ZNF208: variants seen among roughly 807,000 people sequenced by gnomAD.
ZNF208 encodes the protein zinc finger protein 208, also known as zinc finger protein 95.
ZNF208 carries 10 observed loss-of-function variants against 12.1 expected under a neutral mutation model. The observed-to-expected ratio is 0.83, with a 90% confidence interval of 0.51 to 1.40. ZNF208 has a LOEUF of 1.40. Ranked by LOEUF, ZNF208 falls within the 40% of genes most tolerant of loss-of-function variation. ZNF208 has a pLI of 0.00. For synonymous variants in ZNF208, 497 were observed against 488.4 expected (o/e 1.02, Z -0.23); for missense variants, 1,652 against 1,485.0 (o/e 1.11, Z -1.85).
chr19:21,948,928 T>C (rs1324866460), intron 4 of ZNF208, among the ~76,000 whole-genome samples: 1 of 152,196 alleles, frequency 6.6e-6, no homozygotes, highest in Non-Finnish European at 1.5e-5. Context: ...ATTGGAGTCC[T>C]TGTGATCCTA....
chr19:21,953,324 G>A lies in ZNF208; in HGVS notation c.306-20087C>T, dbSNP rs532948776. On this transcript the variant is annotated intron_variant, in intron 4 of 4. Coordinates refer to the ZNF208 transcript ENST00000599916. ...CAGGAAATACAGAGAATCCCACAAAGATATTCCTCGAGAAGAGCAACTCCA... is the reference window on the plus strand; with the variant it reads ...CAGGAAATACAGAGAATCCCACAAAAATATTCCTCGAGAAGAGCAACTCCA... Among the ~76,000 whole-genome samples the A allele has an allele frequency of 6.6e-5, 10 of 152,262 alleles. No homozygotes were observed. In the South Asian group the frequency reaches 2.1e-3, roughly 32 times the overall value.
chr19:21,951,252 T>C (rs1969883167), intron 4 of ZNF208, among the ~76,000 whole-genome samples: 1 of 152,196 alleles, frequency 6.6e-6, no homozygotes, highest in Admixed American at 6.5e-5. Context: ...AGACTTTATC[T>C]GCTCCTAGCA....
intron 4 of ZNF208, among the ~76,000 whole-genome samples, chr19:21,958,786 T>C (rs1970018084): frequency 6.6e-6 from 1 of 152,148 alleles, no homozygotes. Context: ...AAAATATCAA[T>C]GCCTATTCTC....
At chr19:21,949,165 G>A (rs1969856936) in intron 4 of ZNF208, among the ~76,000 whole-genome samples, 1 of 152,172 alleles carries the variant, frequency 6.6e-6, no homozygotes, top group African/African-American at 2.4e-5. Flanking sequence ...AATATCAGAA[G>A]GAAGTTGCTA....
rs774075657 is a variant in ZNF208 at position 21,973,743 on chromosome 19, C to T, written c.1291G>A (p.Gly431Ser). The T allele has an allele frequency of 1.2e-5, 20 of 1,613,398 alleles. No individual in the cohort carries two copies. The highest frequency in any genetic ancestry group is 3.3e-5 in the South Asian group (3 of 91,046). ...GEKPYKCEEC[G>S]KAFNWSSNLM... ...TTTGAGGACCAGTTGAAAGCTTTGC[C>T]ACATTCTTCACATTTGTAGGGTTTC... Residue 431 changes from glycine (G) to serine (S), a missense_variant, in exon 4 of 4, where the codon GGC (glycine) becomes AGC (serine). Transcript: ENST00000397126.
At position 21,972,377 on chromosome 19, in the gene ZNF208, T is replaced by C. The variant is rs1481459855; in HGVS notation, c.2657A>G (p.Glu886Gly). Residue 886 changes from glutamate (E) to glycine (G), a missense_variant, in exon 4 of 4, where the codon GAG becomes GGG. Around this residue, in one of 3 missense-constraint regions of ZNF208, gnomAD observed 1,239 missense variants for 1,086.2 expected, o/e 1.14. Transcript: ENST00000397126. ...LSYHKKIHTG[E>G]KPYKCEECGK... Reference sequence around the variant, plus strand: ...ACATTCTTCACATTTGTAGGGTTTCTCTCCAGTATGAATTTTCTTATGATA... The same window carrying C: ...ACATTCTTCACATTTGTAGGGTTTCCCTCCAGTATGAATTTTCTTATGATA... 1.9e-6 allele frequency: 3 copies of C among 1,612,580 alleles called. No individual in the cohort carries two copies. The Admixed American group carries it at 5.0e-5, about 27-fold the overall frequency.
rs1430442522 is a variant in ZNF208, at chr19:21,971,957, T to C, written c.3077A>G (p.Glu1026Gly). The C allele has an allele frequency of 1.9e-6, 3 of 1,576,546 alleles. No homozygotes were observed. Among genetic ancestry groups the C allele is most frequent in the Non-Finnish European group, 2.6e-6 (3 of 1,156,598 alleles). The change falls in exon 4 of 4, where the codon GAG (glutamate) becomes GGG (glycine). Residue 1026 changes from glutamate (E) to glycine (G), a missense_variant. Transcript: ENST00000397126. ...ACATTCTTCACATTTGTAGGGTGTC[T>C]CTCCAGTGTGAATTTTCTTATGTTC... ...LMEHKKIHTG[E>G]TPYKCEECDK... is the part of the protein sequence containing the mutation.
chr19:21,969,507 TTAAA>T lies in ZNF208; in HGVS notation c.*1680_*1683del, dbSNP rs1970238738. Among the ~76,000 whole-genome samples, 1 of 152,236 alleles carries T rather than the reference TTAAA, an allele frequency of 6.6e-6. No homozygotes were observed. The highest frequency in any genetic ancestry group is 1.5e-5 in the Non-Finnish European group (1 of 68,042). On this transcript the variant is annotated 3_prime_UTR_variant, in exon 4 of 4. Transcript: ENST00000397126. The stretch of plus-strand genomic sequence containing the variant: ...ATATTTACATAAACTTAATTTTGGA[TTAAA>T]TATTTTTTATATTTACTGTATCTGC...
rs188018537 is a variant in ZNF208, at chr19:21,987,882, T to C, written c.131-571A>G. Among the ~76,000 whole-genome samples, 258 of 152,306 alleles carry C rather than the reference T, an allele frequency of 1.7e-3. 1 individual carries two copies. Among genetic ancestry groups the C allele is most frequent in the African/African-American group, 6.0e-3 (249 of 41,566 alleles). On this transcript the variant is annotated intron_variant, in intron 2 of 3. Transcript: ENST00000397126. Reference sequence around the variant, plus strand: ...AAATACTGTGGAGACCAGAACTTGATGCCTTTTGCAGCCTCCAAAAGTGCA... The same window carrying C: ...AAATACTGTGGAGACCAGAACTTGACGCCTTTTGCAGCCTCCAAAAGTGCA...
At chr19:21,989,527 G>A (rs1324951514) in intron 1 of ZNF208, among the ~76,000 whole-genome samples, 1 of 151,956 alleles carries the variant, frequency 6.6e-6, no homozygotes, top group Non-Finnish European at 1.5e-5. Context: ...ATTGTGAATA[G>A]TGCCGCAATA....
intron 3 of ZNF208, among the ~76,000 whole-genome samples, chr19:21,983,970 G>C (rs1336113693): frequency 6.6e-6 from 1 of 151,982 alleles, no homozygotes; most frequent in African/African-American, 2.4e-5. Flanking sequence ...TGCACGTTCT[G>C]CACATGTACC....
chr19:22,005,113 A>C (rs1212022185), intron 1 of ZNF208, among the ~76,000 whole-genome samples: 1 of 152,114 alleles, frequency 6.6e-6, no homozygotes, highest in African/African-American at 2.4e-5. Flanking sequence ...CTGAAAATAG[A>C]GATATGCCAG....
chr19:21,955,955 C>G (rs559073660), intron 4 of ZNF208, among the ~76,000 whole-genome samples: 2 of 152,170 alleles, frequency 1.3e-5, no homozygotes, highest in Non-Finnish European at 2.9e-5. Context: ...GGTTTCTCCC[C>G]ATCTTTGGGG....
intron 1 of ZNF208, among the ~76,000 whole-genome samples, chr19:21,989,447 A>G (rs74913412): frequency 6.6e-6 from 1 of 151,800 alleles, no homozygotes; most frequent in Non-Finnish European, 1.5e-5. Flanking sequence ...ATTCCATGGT[A>G]TATATGTGCC....
At chr19:21,987,054 G>T in intron 3 of ZNF208, 162 bp downstream of exon 3, 1 of 643,270 alleles carries the variant, frequency 1.6e-6, no homozygotes. Flanking sequence ...GTGTAAGACC[G>T]AAGATGCCCC....
chr19:21,980,371 C>T (rs1428931567), intron 3 of ZNF208, among the ~76,000 whole-genome samples: 1 of 152,178 alleles, frequency 6.6e-6, no homozygotes, highest in Non-Finnish European at 1.5e-5. Flanking sequence ...CAAACAGTCT[C>T]TCAGAGCACA....
intron 3 of ZNF208, among the ~76,000 whole-genome samples, chr19:21,983,618 A>G (rs902461443): frequency 1.3e-5 from 2 of 152,172 alleles, no homozygotes; most frequent in African/African-American, 4.8e-5. Flanking sequence ...CCCATCAGTA[A>G]TATACAGGAT....
At chr19:21,945,194 T>C (rs528127095) in intron 4 of ZNF208, among the ~76,000 whole-genome samples, 59 of 152,282 alleles carry the variant, frequency 3.9e-4, no homozygotes, top group African/African-American at 1.4e-3. Context: ...TAAATAATTA[T>C]ATAAGACTCC....
chr19:21,976,825 T>A (rs1258370727), intron 3 of ZNF208, among the ~76,000 whole-genome samples: 3 of 152,162 alleles, frequency 2.0e-5, no homozygotes, highest in African/African-American at 7.2e-5. Context: ...CCTCACAAAG[T>A]GCTGGGATTA....
Sources: allele counts gnomAD v4.1 joint callset (sites outside exome capture counted in the v4.1 genomes callset), GRCh38; gene constraint gnomAD v4.1.1; regional missense constraint gnomAD v4.1.1; transcripts MANE v1.5; gene names NCBI Gene and HGNC (gene_info 2026-07-23, HGNC 2026-07-21).